The following EBF2 variants were observed in gnomAD, a reference collection of about 807,000 sequenced individuals.
EBF2 encodes the protein transcription factor COE2.
In EBF2, 21 loss-of-function variants were observed where a neutral mutation model predicts 72.8. That is an observed-to-expected ratio of 0.29 (90% CI 0.20 to 0.42). The LOEUF is 0.42. Ranked by LOEUF, EBF2 falls within the 10% of genes least tolerant of loss-of-function variation. The pLI is 1.00. For synonymous variants in EBF2, 299 were observed against 274.2 expected (o/e 1.09, Z -0.89); for missense variants, 637 against 731.2 (o/e 0.87, Z 1.49).
intron 2 of EBF2, 139 bp from the exon 3 acceptor site, chr8:26,041,141 T>A: frequency 3.2e-6 from 3 of 941,776 alleles, no homozygotes; most frequent in Non-Finnish European, 4.9e-6. Flanking sequence ...CAGCCCTAGG[T>A]CAAAGGGCAT....
chr8:25,845,926 G>T (rs1329182401), intron 15 of EBF2, among the ~76,000 whole-genome samples: 1 of 152,072 alleles, frequency 6.6e-6, no homozygotes, highest in Non-Finnish European at 1.5e-5. Flanking sequence ...AATTCTCTCT[G>T]CTTTTCTCAA....
chr8:26,015,937 G>A (rs1041172595), intron 6 of EBF2, among the ~76,000 whole-genome samples: 12 of 152,156 alleles, frequency 7.9e-5, no homozygotes, highest in Non-Finnish European at 1.3e-4. Flanking sequence ...GCCATCTAAA[G>A]AAGCTCCACT....
chr8:25,968,652 C>T (rs1001013786), intron 6 of EBF2, among the ~76,000 whole-genome samples: 2 of 152,156 alleles, frequency 1.3e-5, no homozygotes, highest in Admixed American at 6.5e-5. Context: ...ACCTCCACCC[C>T]CCTGGGTTCA....
chr8:25,881,762 G>A (rs1264761506), intron 10 of EBF2, among the ~76,000 whole-genome samples: 4 of 152,160 alleles, frequency 2.6e-5, no homozygotes, highest in Non-Finnish European at 4.4e-5. Flanking sequence ...TAAAAACCCC[G>A]AGACCCTGGA....
At chr8:25,978,980 A>G (rs540779268) in intron 6 of EBF2, among the ~76,000 whole-genome samples, 1 of 152,240 alleles carries the variant, frequency 6.6e-6, no homozygotes, top group South Asian at 2.1e-4. Flanking sequence ...GGGCTGCTCA[A>G]ACCACGCAGC....
chr8:26,010,749 C>G (rs1454363835), intron 6 of EBF2, among the ~76,000 whole-genome samples: 1 of 152,172 alleles, frequency 6.6e-6, no homozygotes, highest in African/African-American at 2.4e-5. Flanking sequence ...GCCTTCTTCC[C>G]TCGATACGAG....
intron 5 of EBF2, among the ~76,000 whole-genome samples, chr8:26,033,606 G>C (rs1199442036): frequency 6.6e-6 from 1 of 152,142 alleles, no homozygotes; most frequent in Non-Finnish European, 1.5e-5. Context: ...GGTGGTGCAG[G>C]GAGGGAGAGC....
intron 6 of EBF2, among the ~76,000 whole-genome samples, chr8:25,990,110 A>G (rs1318592397): frequency 6.6e-6 from 1 of 152,060 alleles, no homozygotes; most frequent in Non-Finnish European, 1.5e-5. Context: ...CTGAAACTCC[A>G]GTTTTACACA....
chr8:25,874,916 C>T (rs1022811069), intron 10 of EBF2, among the ~76,000 whole-genome samples: 2 of 143,366 alleles, frequency 1.4e-5, no homozygotes, highest in African/African-American at 2.7e-5. Context: ...AAACTCCTGG[C>T]CTCAAGTGAT....
chr8:25,861,256 C>G (rs1035629136), intron 12 of EBF2, 30 bp from the exon 13 acceptor site: 1 of 1,613,518 alleles, frequency 6.2e-7, no homozygotes, highest in Non-Finnish European at 8.5e-7. Context: ...TGTGAGCATT[C>G]TATCCAGCAT....
At chr8:26,028,358 G>T (rs1004288204) in intron 6 of EBF2, among the ~76,000 whole-genome samples, 11 of 152,208 alleles carry the variant, frequency 7.2e-5, no homozygotes, top group Non-Finnish European at 1.5e-4. Flanking sequence ...AGGGACAAAA[G>T]ACTGGGATAT....
chr8:26,007,513 A>G (rs1026474760), intron 6 of EBF2, among the ~76,000 whole-genome samples: 1 of 152,172 alleles, frequency 6.6e-6, no homozygotes, highest in Admixed American at 6.5e-5. Flanking sequence ...ACAAACAAAC[A>G]GCTAGATAAA....
At chr8:25,893,203 A>G (rs17054540) in intron 7 of EBF2, among the ~76,000 whole-genome samples, 2,784 of 152,042 alleles carry the variant, frequency 0.018, 83 homozygotes, top group African/African-American at 0.064. Flanking sequence ...TTTCAAAGAC[A>G]TAACTGTCAT....
intron 6 of EBF2, among the ~76,000 whole-genome samples, chr8:25,923,702 A>G (rs943371308): frequency 6.6e-6 from 1 of 152,194 alleles, no homozygotes; most frequent in African/African-American, 2.4e-5. Flanking sequence ...AGTTTGATAG[A>G]ATTCAACCAA....
chr8:25,874,166 G>A (rs968081505), intron 10 of EBF2, among the ~76,000 whole-genome samples: 10 of 151,838 alleles, frequency 6.6e-5, no homozygotes, highest in African/African-American at 2.2e-4. Flanking sequence ...CCAGGATAAC[G>A]CTATATGGGG....
chr8:25,916,787 A>C (rs546370341), intron 6 of EBF2, among the ~76,000 whole-genome samples: 39 of 152,250 alleles, frequency 2.6e-4, no homozygotes, highest in African/African-American at 7.7e-4. Flanking sequence ...CTACCCACAC[A>C]ATATGCTGGC....
intron 6 of EBF2, among the ~76,000 whole-genome samples, chr8:25,942,739 G>C (rs970288899): frequency 6.6e-6 from 1 of 152,198 alleles, no homozygotes; most frequent in Non-Finnish European, 1.5e-5. Context: ...TGGCCAAGGT[G>C]CAGAGCAGCT....
chr8:25,958,763 C>T (rs1439848894), intron 6 of EBF2, among the ~76,000 whole-genome samples: 3 of 152,162 alleles, frequency 2.0e-5, no homozygotes, highest in Non-Finnish European at 4.4e-5. Flanking sequence ...CGGCGGCTTT[C>T]CCTTTCTTTA....
intron 6 of EBF2, among the ~76,000 whole-genome samples, chr8:25,911,557 G>A (rs1183543031): frequency 6.6e-6 from 1 of 152,178 alleles, no homozygotes; most frequent in African/African-American, 2.4e-5. Context: ...GGTTAGCCTT[G>A]ACCTGTGGCT....
Sources: gnomAD v4.1 joint callset for allele counts (sites outside exome capture counted in the v4.1 genomes callset) on GRCh38, gnomAD v4.1.1 for gene constraint, MANE v1.5 for transcripts, NCBI Gene and HGNC (gene_info 2026-07-23, HGNC 2026-07-21) for gene names.